The following ZC3H12B variants were observed in gnomAD, a reference collection of about 807,000 sequenced individuals.
The protein encoded by ZC3H12B is probable ribonuclease ZC3H12B.
ZC3H12B carries 7 observed loss-of-function variants against 43.9 expected under a neutral mutation model. The observed-to-expected ratio is 0.16, with a 90% CI of 0.09 to 0.30. The LOEUF (loss-of-function observed/expected upper bound fraction) is 0.30, where lower values mean the gene tolerates loss of function less well. Among genes scored for constraint, ZC3H12B ranks in the 10% least tolerant of loss-of-function variants. The pLI is 1.00. For synonymous variants in ZC3H12B, 222 were observed against 241.7 expected, an observed-to-expected ratio of 0.92 and a Z score of 0.76; for missense variants, 475 against 670.2, an observed-to-expected ratio of 0.71 and a Z score of 3.22.
At chrX:65,223,361 T>C in the ZC3H12B span, among the ~76,000 whole-genome samples, 1 of 110,232 alleles carries the variant, frequency 9.1e-6, no homozygotes, top group East Asian at 2.8e-4. Flanking sequence ...GATCTGAAAC[T>C]GTAAAAATTC....
the ZC3H12B span, among the ~76,000 whole-genome samples, chrX:65,319,436 G>T: frequency 9.4e-6 from 1 of 106,677 alleles, no homozygotes; most frequent in African/African-American, 3.8e-5. Context: ...TAATAAAAAA[G>T]CCTCCTATCC....
chrX:65,062,876 G>A, the ZC3H12B span, among the ~76,000 whole-genome samples: 3 of 111,474 alleles, frequency 2.7e-5, no homozygotes, highest in South Asian at 7.5e-4. Flanking sequence ...AGTCCTTCAT[G>A]TCCCTTCTAG....
At chrX:65,381,320 C>T (rs1301413246) in intron 2 of ZC3H12B, among the ~76,000 whole-genome samples, 4 of 111,832 alleles carry the variant, frequency 3.6e-5, no homozygotes, top group Non-Finnish European at 7.5e-5. Context: ...CGCTCAACTA[C>T]ATGGAAACTA....
chrX:65,461,102 A>G (rs2067737817), intron 3 of ZC3H12B, among the ~76,000 whole-genome samples: 1 of 112,592 alleles, frequency 8.9e-6, no homozygotes, highest in African/African-American at 3.2e-5. Context: ...GACACATGAA[A>G]AAATGCTCAT....
At chrX:65,212,404 AT>A in the ZC3H12B span, among the ~76,000 whole-genome samples, 373 of 57,964 alleles carry the variant, frequency 6.4e-3, 5 homozygotes, top group Non-Finnish European at 8.9e-3. Flanking sequence ...TTATATTTAT[AT>A]TTATATTATA....
chrX:65,355,944 G>A, the ZC3H12B span, among the ~76,000 whole-genome samples: 2 of 111,994 alleles, frequency 1.8e-5, no homozygotes, highest in African/African-American at 6.5e-5. Flanking sequence ...GACAGAGCAA[G>A]ATTCTGTCTC....
At chrX:65,409,921 C>A (rs866151871) in intron 3 of ZC3H12B, among the ~76,000 whole-genome samples, 9 of 110,452 alleles carry the variant, frequency 8.1e-5, no homozygotes, top group Non-Finnish European at 1.5e-4. Context: ...TAATCCCTAT[C>A]AAAATGCCAA....
the ZC3H12B span, among the ~76,000 whole-genome samples, chrX:65,312,861 TTTTG>T: frequency 2.7e-5 from 3 of 111,491 alleles, no homozygotes; most frequent in East Asian, 2.8e-4. Flanking sequence ...CTTATTGGTT[TTTTG>T]TTTGTTTGTT....
At chrX:65,372,446 G>C (rs1035309979) in intron 2 of ZC3H12B, among the ~76,000 whole-genome samples, 1 of 107,619 alleles carries the variant, frequency 9.3e-6, no homozygotes, top group Admixed American at 1.0e-4. Flanking sequence ...TAAGAAAGGA[G>C]GGAGGGAAGA....
chrX:65,348,502 A>T, the ZC3H12B span, among the ~76,000 whole-genome samples: 1 of 111,469 alleles, frequency 9.0e-6, no homozygotes, highest in African/African-American at 3.3e-5. Flanking sequence ...GATAAAATTC[A>T]AACATAACAA....
At chrX:65,324,233 A>C in the ZC3H12B span, among the ~76,000 whole-genome samples, 1 of 111,374 alleles carries the variant, frequency 9.0e-6, no homozygotes, top group African/African-American at 3.3e-5. Context: ...CTTTGGTTGT[A>C]ATTGCTTTTG....
At chrX:65,206,737 G>A in the ZC3H12B span, among the ~76,000 whole-genome samples, 4 of 111,075 alleles carry the variant, frequency 3.6e-5, no homozygotes, top group Admixed American at 9.6e-5. Context: ...CCGCAGAGTG[G>A]GAAAAAATCT....
intron 3 of ZC3H12B, among the ~76,000 whole-genome samples, chrX:65,448,245 G>T (rs755464300): frequency 1.3e-4 from 14 of 110,128 alleles, no homozygotes; most frequent in Admixed American, 3.9e-4. Context: ...AAAAAAAAAA[G>T]ATGTTGGCAT....
intron 3 of ZC3H12B, among the ~76,000 whole-genome samples, chrX:65,406,875 A>C (rs1288256578): frequency 8.9e-6 from 1 of 112,180 alleles, no homozygotes. Flanking sequence ...GCGGCGACCA[A>C]AATCTCCGCT....
chrX:65,389,239 G>T (rs1440529947), intron 2 of ZC3H12B, among the ~76,000 whole-genome samples: 1 of 112,460 alleles, frequency 8.9e-6, no homozygotes, highest in Non-Finnish European at 1.9e-5. Flanking sequence ...CAGAGGTGGA[G>T]TCTACAGAGT....
chrX:65,322,515 G>A, the ZC3H12B span, among the ~76,000 whole-genome samples: 1 of 112,095 alleles, frequency 8.9e-6, no homozygotes, highest in East Asian at 2.8e-4. Flanking sequence ...TTTTCATTTT[G>A]TGTTCTTCAC....
At chrX:65,133,863 A>T in the ZC3H12B span, among the ~76,000 whole-genome samples, 1 of 110,626 alleles carries the variant, frequency 9.0e-6, no homozygotes, top group African/African-American at 3.3e-5. Flanking sequence ...AGTAGAGATG[A>T]GGGAGGGACC....
the ZC3H12B span, among the ~76,000 whole-genome samples, chrX:65,328,874 G>T: frequency 9.2e-6 from 1 of 108,993 alleles, no homozygotes; most frequent in East Asian, 2.9e-4. Flanking sequence ...CAAAGGACAG[G>T]ATTTCATCAT....
intron 3 of ZC3H12B, among the ~76,000 whole-genome samples, chrX:65,438,040 A>G (rs1348397597): frequency 9.0e-6 from 1 of 111,362 alleles, no homozygotes; most frequent in Non-Finnish European, 1.9e-5. Flanking sequence ...TCAAATGTCT[A>G]GTTTTATTTC....
Sources: gnomAD v4.1 joint callset for allele counts (sites outside exome capture counted in the v4.1 genomes callset) on GRCh38, gnomAD v4.1.1 for gene constraint, MANE v1.5 for transcripts, NCBI Gene and HGNC (gene_info 2026-07-23, HGNC 2026-07-21) for gene names.